The following VARS1 variants were observed in gnomAD, a reference collection of about 807,000 sequenced individuals.
VARS1 encodes the protein valine--tRNA ligase.
A neutral mutation model predicts 161.0 loss-of-function variants in VARS1; 92 were observed. That is an observed-to-expected ratio of 0.57 (90% CI 0.48 to 0.68). VARS1 has a LOEUF of 0.68. Ranked by LOEUF, VARS1 falls within the 30% of genes least tolerant of loss-of-function variation. The pLI is 0.00. For synonymous variants in VARS1, 595 were observed against 682.5 expected, an observed-to-expected ratio of 0.87 and a Z score of 2.00; for missense variants, 1,338 against 1,695.9, an observed-to-expected ratio of 0.79 and a Z score of 3.71.
intron 8 of VARS1, among the ~76,000 whole-genome samples, chr6:31,789,621 A>T (rs1423773021): frequency 6.6e-6 from 1 of 152,204 alleles, no homozygotes; most frequent in African/African-American, 2.4e-5. Context: ...TAGCTACACC[A>T]GCGAAACCCT....
Position 31,783,012 on chromosome 6 carries a change from TTTTC to T in VARS1, c.1762+80_1762+83del. ...GCTCTGTCTATTTGGCTGAAGCTTA[TTTTC>T]TTTTTCTCTGAGAGAAGATGGACAG... On this transcript the variant is annotated intron_variant, in intron 14 of 29. Transcript: ENST00000375663. The T allele has an allele frequency of 1.9e-6, 3 of 1,559,580 alleles. No individual in the cohort carries two copies. The South Asian group carries it at 3.5e-5, about 18-fold the overall frequency.
intron 8 of VARS1, among the ~76,000 whole-genome samples, chr6:31,790,993 T>C (rs774270027): frequency 2.0e-5 from 3 of 151,956 alleles, no homozygotes; most frequent in Non-Finnish European, 4.4e-5. Flanking sequence ...AAGAATATAT[T>C]CATATATTTT....
Position 31,777,568 on chromosome 6 carries a change from G to A in VARS1, c.*26C>T, listed in dbSNP as rs778278914. The A allele has an allele frequency of 3.7e-6, 6 of 1,613,878 alleles. No individual in the cohort carries two copies. The highest frequency in any genetic ancestry group is 5.1e-6 in the Non-Finnish European group (6 of 1,179,824). ...GCCATCCCCATGGTGAGCCGCTGGGGGTGAGGGGTGAAGCTGGGTGGTGGA... is the reference window on the plus strand; with the variant it reads ...GCCATCCCCATGGTGAGCCGCTGGGAGTGAGGGGTGAAGCTGGGTGGTGGA... On this transcript the variant is annotated 3_prime_UTR_variant, in exon 30 of 30. Coordinates refer to ENST00000375663, the MANE Select transcript of VARS1 (RefSeq NM_006295.3). The surrounding 1 kb of genome is among the most constrained non-coding windows in gnomAD (Gnocchi z 5.8).
chr6:31,793,920 T>C lies in VARS1; in HGVS notation c.388-800A>G, dbSNP rs141938420. ...GAGTTCGAGACCAGCCTGGTCAACATGACAAAACCCCATCTCTACTAAAAA... is the reference window on the plus strand; with the variant it reads ...GAGTTCGAGACCAGCCTGGTCAACACGACAAAACCCCATCTCTACTAAAAA... On this transcript the variant is annotated intron_variant, in intron 2 of 29. Transcript: ENST00000375663. Among the ~76,000 whole-genome samples, 310 of 151,864 alleles carry C rather than the reference T, an allele frequency of 2.0e-3. 7 individuals are homozygous for C. The highest frequency in any genetic ancestry group is 0.017 in the Admixed American group (266 of 15,220).
In VARS1 at chr6:31,778,893, A is replaced by G; in HGVS notation, c.3726+74T>C. 2 of 1,585,380 alleles carry G rather than the reference A, an allele frequency of 1.3e-6. No homozygotes were observed. Among genetic ancestry groups the G allele is most frequent in the Non-Finnish European group, 1.7e-6 (2 of 1,158,896 alleles). ...ATCAATTAGTTGTCAACACCACTGC[A>G]CTCGGACCAGCCCAGACCAGGGTTT... On this transcript the variant is annotated intron_variant, in intron 29 of 29. Transcript: ENST00000375663. This position sits in a 1 kb window ranked among gnomAD's most constrained non-coding sequence, Gnocchi z 5.1.
intron 8 of VARS1, among the ~76,000 whole-genome samples, chr6:31,786,416 C>G (rs1186078981): frequency 6.6e-6 from 1 of 152,058 alleles, no homozygotes; most frequent in Non-Finnish European, 1.5e-5. Context: ...CCTGTAACCC[C>G]AGGACTTTGG....
rs1812995717 is a variant in VARS1, at chr6:31,779,615, G to A, written c.3281C>T (p.Pro1094Leu). Residue 1094 changes from proline (P) to leucine (L), a missense_variant, in exon 27 of 30, where the codon CCC (proline) becomes CTC (leucine). Physicochemically the swap from Pro to Leu is moderately conservative, Grantham distance 98. Coordinates refer to ENST00000375663, the MANE Select transcript of VARS1 (RefSeq NM_006295.3). This position sits in a 1 kb window ranked among gnomAD's most constrained non-coding sequence, Gnocchi z 9.1. ...PSLCVTPYPEPSECSWKDPEA... is the reference protein window; with the variant it reads ...PSLCVTPYPELSECSWKDPEA... ...CTCCAGGCCATGCCATACCTCTGAG[G>A]GCTCCGGGTAGGGGGTAACACAGAG... is the stretch of plus-strand genomic sequence containing the variant. 1 of 1,612,536 alleles carries A rather than the reference G, an allele frequency of 6.2e-7. No individual in the cohort carries two copies. The highest frequency in any genetic ancestry group is 8.5e-7 in the Non-Finnish European group (1 of 1,179,770).
chr6:31,785,807 A>C lies in VARS1; in HGVS notation c.1101-74T>G. ...TGGCACCAAAGAAAGCAGAGGCTTCAGGCAAGGAGTCAGTGGACTAAATAA... is the reference window on the plus strand; with the variant it reads ...TGGCACCAAAGAAAGCAGAGGCTTCCGGCAAGGAGTCAGTGGACTAAATAA... On this transcript the variant is annotated intron_variant, in intron 8 of 29. Transcript: ENST00000375663. This position sits in a 1 kb window ranked among gnomAD's most constrained non-coding sequence, Gnocchi z 6.1. 2.0e-6 allele frequency: 3 copies of C among 1,515,306 alleles called. No homozygotes were observed. Among genetic ancestry groups the C allele is most frequent in the Non-Finnish European group, 2.6e-6 (3 of 1,139,834 alleles). The allele number at this position is 1,515,306 out of a possible 1,614,324, so 93.9% of individuals were successfully genotyped here. A position where few individuals can be genotyped will look rare whatever the true frequency, so the allele number is the denominator to read the frequency against.
At chr6:31,787,600 G>A (rs977860571) in intron 8 of VARS1, among the ~76,000 whole-genome samples, 6 of 151,802 alleles carry the variant, frequency 4.0e-5, no homozygotes, top group Non-Finnish European at 7.4e-5. Context: ...AGACGAGATC[G>A]CGTCACTGCA....
intron 8 of VARS1, among the ~76,000 whole-genome samples, chr6:31,789,581 C>T (rs1813733345): frequency 6.6e-6 from 1 of 152,126 alleles, no homozygotes; most frequent in African/African-American, 2.4e-5. Context: ...ATAGGTGTGC[C>T]CCTGCCGACC....
rs1206964821 is a variant in VARS1 at position 31,778,987 on chromosome 6, G to A, written c.3706C>T (p.Gln1236Ter). The A allele has an allele frequency of 1.6e-5, 26 of 1,612,950 alleles. No individual in the cohort carries two copies. The highest frequency in any genetic ancestry group is 2.1e-5 in the Non-Finnish European group (25 of 1,180,042). The change falls in exon 29 of 30, where the codon CAG (glutamine) becomes TAG (stop). Residue 1236 changes from glutamine to a stop codon, truncating the protein, a stop_gained. Transcript: ENST00000375663. LOFTEE classifies it high-confidence loss of function. This position sits in a 1 kb window ranked among gnomAD's most constrained non-coding sequence, Gnocchi z 5.1. Reference sequence around the variant, plus strand: ...CACACCTTGGCTTCATCTGCCTCCTGGACTTCGAGCGGCACCTTGACAGGA... The same window carrying A: ...CACACCTTGGCTTCATCTGCCTCCTAGACTTCGAGCGGCACCTTGACAGGA... ...GYPVKVPLEV[Q>*]EADEAKLQQT... is the part of the protein sequence containing the mutation.
intron 8 of VARS1, among the ~76,000 whole-genome samples, chr6:31,787,944 C>G (rs1370561060): frequency 3.3e-5 from 5 of 152,044 alleles, no homozygotes; most frequent in East Asian, 3.9e-4. Context: ...CGGTGAAACC[C>G]CGTCTCTACT....
In VARS1 at chr6:31,784,246, C is replaced by A. The variant is rs1419910099; in HGVS notation, c.1639G>T (p.Val547Leu). Residue 547 changes from valine (V) to leucine (L), a missense_variant, in exon 13 of 30, where the codon GTA becomes TTA. Val to Leu is a conservative substitution (Grantham distance 32, BLOSUM62 1). Around this residue, in one of 3 missense-constraint regions of VARS1, gnomAD observed 902 missense variants for 1,090.3 expected, o/e 0.83. Coordinates refer to ENST00000375663, the MANE Select transcript of VARS1 (RefSeq NM_006295.3). The surrounding 1 kb of genome is among the most constrained non-coding windows in gnomAD (Gnocchi z 6.1). Reference protein sequence around the residue: ...RIETMLGDVAVAVHPKDTRYQ... With the variant: ...RIETMLGDVALAVHPKDTRYQ... ...CTGGTATCTTTGGGGTGCACAGCTACAGCCACATCTCCCAGCATTGTCTCG... is the reference window on the plus strand; with the variant it reads ...CTGGTATCTTTGGGGTGCACAGCTAAAGCCACATCTCCCAGCATTGTCTCG... The A allele has an allele frequency of 1.2e-6, 2 of 1,614,200 alleles. No individual in the cohort carries two copies. The highest frequency in any genetic ancestry group is 1.7e-6 in the Non-Finnish European group (2 of 1,180,046).
intron 13 of VARS1, 25 bp from the exon 14 acceptor site, chr6:31,783,211 C>T (rs777655218): frequency 2.5e-6 from 4 of 1,608,838 alleles, no homozygotes; most frequent in Admixed American, 1.7e-5. Flanking sequence ...ATACCAAAAA[C>T]GCATGAAGCA....
chr6:31,794,600 T>C (rs1360552303), intron 2 of VARS1, among the ~76,000 whole-genome samples: 4 of 152,168 alleles, frequency 2.6e-5, no homozygotes, highest in Non-Finnish European at 4.4e-5. Flanking sequence ...TCCTATTAAC[T>C]CAGTGAGGCA....
Position 31,785,157 on chromosome 6 carries a change from G to A in VARS1, c.1347+89C>T. The A allele has an allele frequency of 6.7e-7, 1 of 1,497,264 alleles. No individual in the cohort carries two copies. The highest frequency in any genetic ancestry group is 1.1e-5 in the South Asian group (1 of 87,606). 92.7% of individuals were successfully genotyped at this position (1,497,264 alleles called of 1,614,324 possible). On this transcript the variant is annotated intron_variant, in intron 10 of 29. Coordinates refer to ENST00000375663, the MANE Select transcript of VARS1 (RefSeq NM_006295.3). This position sits in a 1 kb window ranked among gnomAD's most constrained non-coding sequence, Gnocchi z 6.1. ...TTTACATGGGCCAGCTCCTGAGAGAGGGCCACAACACCTCTGCTTTCTCCT... is the reference window on the plus strand; with the variant it reads ...TTTACATGGGCCAGCTCCTGAGAGAAGGCCACAACACCTCTGCTTTCTCCT...
In VARS1 at chr6:31,791,538, G is replaced by T. The variant is rs1813867679; in HGVS notation, c.1100+72C>A. 1 of 1,532,006 alleles carries T rather than the reference G, an allele frequency of 6.5e-7. No homozygotes were observed. The highest frequency in any genetic ancestry group is 1.3e-5 in the South Asian group (1 of 77,600). 94.9% of individuals were successfully genotyped at this position (1,532,006 alleles called of 1,614,324 possible). ...CCAACCCAGAAGGAGAGAGGCTCGGGGGGCTGTCAGGGAAAAGGAGAGAGC... is the reference window on the plus strand; with the variant it reads ...CCAACCCAGAAGGAGAGAGGCTCGGTGGGCTGTCAGGGAAAAGGAGAGAGC... On this transcript the variant is annotated intron_variant, in intron 8 of 29. Coordinates refer to ENST00000375663, the MANE Select transcript of VARS1 (RefSeq NM_006295.3). This position sits in a 1 kb window ranked among gnomAD's most constrained non-coding sequence, Gnocchi z 5.0.
chr6:31,778,812 G>T lies in VARS1; in HGVS notation c.3726+155C>A. The T allele has an allele frequency of 9.3e-7, 1 of 1,070,978 alleles. No individual in the cohort carries two copies. Among genetic ancestry groups the T allele is most frequent in the Non-Finnish European group, 1.3e-6 (1 of 755,698 alleles). 66.3% of individuals were successfully genotyped at this position (1,070,978 alleles called of 1,614,324 possible). A position where few individuals can be genotyped will look rare whatever the true frequency, so the allele number is the denominator to read the frequency against. Reference sequence around the variant, plus strand: ...GTGAGCCACTGAGCCAGGCTGTTTTGTTTTTTAAGGCTAGTGGGAGTGGAG... The same window carrying T: ...GTGAGCCACTGAGCCAGGCTGTTTTTTTTTTTAAGGCTAGTGGGAGTGGAG... On this transcript the variant is annotated intron_variant, in intron 29 of 29. Transcript: ENST00000375663. The surrounding 1 kb of genome is among the most constrained non-coding windows in gnomAD (Gnocchi z 5.1).
Position 31,792,211 on chromosome 6 carries a change from TA to T in VARS1, c.871+5del. On this transcript the variant is annotated splice_donor_5th_base_variant and intron_variant, in intron 6 of 29. Transcript: ENST00000375663. The stretch of plus-strand genomic sequence containing the variant: ...TGAGGGGTGAGCCCCTTCCCACTCC[TA>T]GTACCTTTCTTTTCCCCGGGTGGGG... 6.2e-7 allele frequency: 1 copy of T among 1,613,536 alleles called. No individual in the cohort carries two copies. The highest frequency in any genetic ancestry group is 8.5e-7 in the Non-Finnish European group (1 of 1,179,976).
Sources: allele counts gnomAD v4.1 joint callset (sites outside exome capture counted in the v4.1 genomes callset), GRCh38; gene constraint gnomAD v4.1.1; regional missense constraint gnomAD v4.1.1; non-coding constraint Gnocchi (gnomAD v3.1); transcripts MANE v1.5; gene names NCBI Gene and HGNC (gene_info 2026-07-23, HGNC 2026-07-21).